POLA1: variants seen among roughly 807,000 people sequenced by gnomAD.
POLA1 encodes the protein DNA polymerase alpha 1, catalytic subunit, also known as DNA polymerase alpha catalytic subunit.
POLA1 carries 15 observed loss-of-function variants against 124.0 expected under a neutral mutation model. That is an observed-to-expected ratio of 0.12 (90% CI 0.08 to 0.19). The LOEUF (loss-of-function observed/expected upper bound fraction) is 0.19. Ranked by LOEUF, POLA1 falls within the 10% of genes least tolerant of loss-of-function variation. The pLI is 1.00. For missense variants in POLA1, 886 were observed against 1,103.4 expected (o/e 0.80, Z 2.79); for synonymous variants, 408 against 389.4 (o/e 1.05, Z -0.56).
chrX:24,748,207 G>C (rs1839352782), intron 24 of POLA1, 104 bp from the exon 25 acceptor site: 1 of 552,600 alleles, frequency 1.8e-6, no homozygotes, highest in African/African-American at 2.4e-5. Context: ...TAAGATAATA[G>C]CTTTTCAAGA....
intron 26 of POLA1, among the ~76,000 whole-genome samples, chrX:24,795,133 G>A (rs1375107364): frequency 9.0e-6 from 1 of 110,809 alleles, no homozygotes; most frequent in Non-Finnish European, 1.9e-5. Context: ...AAACTTGATC[G>A]TTGAGAGCGC....
chrX:24,833,664 T>C (rs1300588886), intron 32 of POLA1, among the ~76,000 whole-genome samples: 1 of 112,336 alleles, frequency 8.9e-6, no homozygotes, highest in Admixed American at 9.4e-5. Flanking sequence ...TTCCCCAGCA[T>C]CTACCAACAT....
At chrX:24,871,821 A>C in intron 34 of POLA1, among the ~76,000 whole-genome samples, 1 of 112,048 alleles carries the variant, frequency 8.9e-6, no homozygotes, top group Middle Eastern at 4.6e-3. Flanking sequence ...ATCTTTTAAG[A>C]GGACTAATTT....
At chrX:24,703,672 T>C (rs1481135010) in intron 3 of POLA1, among the ~76,000 whole-genome samples, 8 of 112,009 alleles carry the variant, frequency 7.1e-5, no homozygotes, top group Non-Finnish European at 1.5e-4. Flanking sequence ...AATTAAGGAA[T>C]GCAGGTTCGG....
chrX:24,782,548 G>A (rs920480656), intron 26 of POLA1, among the ~76,000 whole-genome samples: 1 of 111,741 alleles, frequency 8.9e-6, no homozygotes, highest in African/African-American at 3.3e-5. Flanking sequence ...CACCTGTAGA[G>A]AGTCTCTTGT....
chrX:24,842,139 C>A (rs1419058704), intron 33 of POLA1, among the ~76,000 whole-genome samples: 1 of 111,514 alleles, frequency 9.0e-6, no homozygotes, highest in Non-Finnish European at 1.9e-5. Flanking sequence ...TAATTAGTAA[C>A]CTGTATTGTC....
chrX:24,989,394 G>A lies in POLA1; in HGVS notation c.4262-6411G>A, dbSNP rs190542606. On this transcript the variant is annotated intron_variant, in intron 36 of 36. Coordinates refer to ENST00000379068, the MANE Select transcript of POLA1 (RefSeq NM_001330360.2). ...CCTGGGACTGATCATCTCCTTGTCT[G>A]TCATGGAATATTAATTGGACATTAA... 9.3e-4 allele frequency among the ~76,000 whole-genome samples: 103 copies of A among 110,549 alleles called. 1 individual carries two copies. The highest frequency in any genetic ancestry group is 9.4e-3 in the Middle Eastern group (2 of 213).
chrX:24,911,080 A>G (rs755929823), intron 35 of POLA1, among the ~76,000 whole-genome samples: 6 of 112,512 alleles, frequency 5.3e-5, no homozygotes, highest in South Asian at 3.7e-4. Flanking sequence ...GAGTGATAAC[A>G]GGAAAATCTT....
At chrX:24,843,843 G>A (rs896976676) in intron 34 of POLA1, among the ~76,000 whole-genome samples, 166 bp downstream of exon 34, 3 of 111,798 alleles carry the variant, frequency 2.7e-5, no homozygotes, top group Non-Finnish European at 5.7e-5. Context: ...ATATTAGCAT[G>A]ACAAATTATT....
In POLA1 at chrX:24,742,040, G is replaced by A; in HGVS notation, c.2385G>A (p.Glu795=). 1 of 1,201,359 alleles carries A rather than the reference G, an allele frequency of 8.3e-7. No homozygotes were observed. The highest frequency in any genetic ancestry group is 1.1e-6 in the Non-Finnish European group (1 of 887,688). Residue 795 remains glutamate (E), a synonymous_variant, in exon 22 of 37, where the codon GAG becomes GAA. Coordinates refer to ENST00000379068, the MANE Select transcript of POLA1 (RefSeq NM_001330360.2). ...TLMGGRSERN[E]FLLLHAFYEN... ...TGGGTGGACGATCCGAGCGTAACGA[G>A]TTCTTGTTGCTTCATGCATTTTACG...
chrX:24,695,669 G>C (rs929730837), intron 1 of POLA1, among the ~76,000 whole-genome samples: 1 of 110,496 alleles, frequency 9.1e-6, no homozygotes, highest in Non-Finnish European at 1.9e-5. Flanking sequence ...GTAGAGACAG[G>C]GTTTCACCAT....
chrX:24,809,407 A>C (rs1405152672), intron 26 of POLA1, among the ~76,000 whole-genome samples: 1 of 111,237 alleles, frequency 9.0e-6, no homozygotes, highest in Admixed American at 9.6e-5. Flanking sequence ...CCACCTTTTT[A>C]CTGGGTACTG....
chrX:24,843,575 T>C lies in POLA1; in HGVS notation c.3945T>C (p.Arg1315=), dbSNP rs1161834687. Residue 1315 remains arginine (R), a synonymous_variant, in exon 34 of 37, where the codon CGT becomes CGC. Coordinates refer to ENST00000379068, the MANE Select transcript of POLA1 (RefSeq NM_001330360.2). The part of the protein sequence containing the change: ...SGTDMEPSLY[R]CSNIDCKASP... ...CAGATATGGAGCCCAGCTTGTATCGTTGCAGTAACATCGATTGTAAGGCTT... is the reference window on the plus strand; with the variant it reads ...CAGATATGGAGCCCAGCTTGTATCGCTGCAGTAACATCGATTGTAAGGCTT... The C allele has an allele frequency of 8.4e-7, 1 of 1,191,414 alleles. No homozygotes were observed. Among genetic ancestry groups the C allele is most frequent in the African/African-American group, 1.8e-5 (1 of 56,767 alleles).
intron 26 of POLA1, among the ~76,000 whole-genome samples, chrX:24,787,523 T>G (rs377594012): frequency 3.6e-5 from 4 of 112,032 alleles, no homozygotes; most frequent in Non-Finnish European, 7.5e-5. Context: ...CGGTTGACCA[T>G]GTATGCAAGG....
intron 36 of POLA1, among the ~76,000 whole-genome samples, chrX:24,994,887 C>CCACTGTT (rs2048584107): frequency 9.0e-6 from 1 of 110,959 alleles, no homozygotes; most frequent in African/African-American, 3.3e-5. Flanking sequence ...CCCCACTGCT[C>CCACTGTT]CTTTAAAAGA....
intron 36 of POLA1, among the ~76,000 whole-genome samples, chrX:24,991,221 A>G (rs1201465681): frequency 9.1e-6 from 1 of 109,900 alleles, no homozygotes; most frequent in East Asian, 2.8e-4. Context: ...ACCCAAAAAA[A>G]AATTCTGTCC....
intron 34 of POLA1, among the ~76,000 whole-genome samples, chrX:24,853,244 G>T (rs1325388050): frequency 8.9e-6 from 1 of 112,216 alleles, no homozygotes; most frequent in East Asian, 2.8e-4. Flanking sequence ...TGGGACCTCT[G>T]TATACTCTTA....
At chrX:24,778,428 A>G (rs1017108379) in intron 26 of POLA1, among the ~76,000 whole-genome samples, 2 of 111,292 alleles carry the variant, frequency 1.8e-5, no homozygotes, top group African/African-American at 6.5e-5. Flanking sequence ...ACGGGGTTTC[A>G]CCATGTTGGC....
intron 3 of POLA1, 22 bp downstream of exon 3, chrX:24,703,369 G>T (rs1028698892): frequency 1.7e-5 from 18 of 1,032,664 alleles, no homozygotes; most frequent in Non-Finnish European, 2.3e-5. Flanking sequence ...GGAGGTGGGG[G>T]CGGGGATGTT....
Sources: gnomAD v4.1 joint callset for allele counts (sites outside exome capture counted in the v4.1 genomes callset) on GRCh38, gnomAD v4.1.1 for gene constraint, MANE v1.5 for transcripts, NCBI Gene and HGNC (gene_info 2026-07-23, HGNC 2026-07-21) for gene names.